The following C10orf105 variants were observed in gnomAD, a reference collection of about 807,000 sequenced individuals.
The protein encoded by C10orf105 is chromosome 10 open reading frame 105, also known as uncharacterized protein C10orf105.
A neutral mutation model predicts 0.6 loss-of-function variants in C10orf105; 2 were observed. That is an observed-to-expected ratio of 3.18 (90% CI 1.30 to 10.01). The LOEUF (loss-of-function observed/expected upper bound fraction) is 10.01. Among genes scored for constraint, C10orf105 ranks in the 30% most tolerant of loss-of-function variants. C10orf105 has a pLI of 0.04. For synonymous variants in C10orf105, 95 were observed against 82.4 expected (o/e 1.15, Z -0.83); for missense variants, 209 against 191.4 (o/e 1.09, Z -0.54).
upstream of C10orf105, among the ~76,000 whole-genome samples, chr10:71,720,092 G>A (rs1484159244): frequency 1.3e-5 from 2 of 152,188 alleles, no homozygotes; most frequent in African/African-American, 2.4e-5. Flanking sequence ...CCAGAGGTTC[G>A]CTATTCAGTG....
rs1168523573 is a variant in C10orf105, at chr10:71,714,292, G to T, written c.*1644C>A. On this transcript the variant is annotated 3_prime_UTR_variant, in exon 2 of 2. Transcript: ENST00000441508. The stretch of plus-strand genomic sequence containing the variant: ...TCCACCAAGACTCCTGCCTCAGAGG[G>T]TGGGGACACACCCAGGCTGGGCCAC... 6.6e-6 allele frequency: 1 copy of T among 152,100 alleles called. No individual in the cohort carries two copies. The highest frequency in any genetic ancestry group is 2.4e-5 in the African/African-American group (1 of 41,360). The allele number at this position is 152,100 out of a possible 1,614,324, so 9.4% of individuals were successfully genotyped here.
rs566566180 is a variant in C10orf105, at chr10:71,734,372, G to A, written c.-6+3356C>T. 6.3e-6 allele frequency: 10 copies of A among 1,579,734 alleles called. No homozygotes were observed. The South Asian group carries it at 1.0e-4, about 16-fold the overall frequency. ...TGGGACCAGGGTGAGAGTCCCTCAG[G>A]TGCGGCCCATCGCTGGCCATGACAC... On this transcript the variant is annotated intron_variant, in intron 1 of 1. Coordinates refer to the C10orf105 transcript ENST00000398786.
At chr10:71,729,667 A>T (rs1839290048) in intron 1 of C10orf105, among the ~76,000 whole-genome samples, 1 of 152,182 alleles carries the variant, frequency 6.6e-6, no homozygotes, top group South Asian at 2.1e-4. Context: ...CTGAGCACTG[A>T]CATTCTCTAC....
exon 1 of C10orf105, chr10:71,737,758 G>A (rs1048960911): frequency 6.8e-5 from 32 of 469,772 alleles, no homozygotes; most frequent in East Asian, 2.8e-4. Flanking sequence ...GCCTGTGGCC[G>A]TCCGTGGACT....
intron 1 of C10orf105, among the ~76,000 whole-genome samples, chr10:71,732,981 TC>T (rs1321612790): frequency 6.6e-6 from 1 of 152,170 alleles, no homozygotes; most frequent in East Asian, 1.9e-4. Context: ...TAGTGTCAGA[TC>T]CCACAGGTTG....
chr10:71,722,106 A>G (rs1167261545), upstream of C10orf105, among the ~76,000 whole-genome samples: 6 of 152,172 alleles, frequency 3.9e-5, no homozygotes, highest in Non-Finnish European at 8.8e-5. Context: ...GAAAGCCTAC[A>G]TTAGGGCTTC....
intron 1 of C10orf105, among the ~76,000 whole-genome samples, chr10:71,729,840 ATT>A (rs111460455): frequency 6.8e-6 from 1 of 147,066 alleles, no homozygotes; most frequent in African/African-American, 2.5e-5. Flanking sequence ...ATTATTATTA[ATT>A]TTTTTTTTTT....
chr10:71,720,069 TGGTCGGC>T (rs939253606), upstream of C10orf105, among the ~76,000 whole-genome samples: 5 of 152,210 alleles, frequency 3.3e-5, no homozygotes, highest in African/African-American at 7.2e-5. Flanking sequence ...TTGAATGGTA[TGGTCGGC>T]GGCAGCCAGA....
Position 71,712,748 on chromosome 10 carries a change from T to G in C10orf105, c.*3188A>C. 6.2e-7 allele frequency: 1 copy of G among 1,613,672 alleles called. No individual in the cohort carries two copies. The highest frequency in any genetic ancestry group is 8.5e-7 in the Non-Finnish European group (1 of 1,179,834). ...GGATGTGAATGACAACCGGCCCATC[T>G]TTCTGCAGAGCAGCTATGAGGCCAG... On this transcript the variant is annotated 3_prime_UTR_variant, in exon 2 of 2. Coordinates refer to ENST00000441508, the MANE Select transcript of C10orf105 (RefSeq NM_001164375.3).
intron 1 of C10orf105, among the ~76,000 whole-genome samples, chr10:71,727,283 C>T (rs1210812051): frequency 6.6e-6 from 1 of 152,186 alleles, no homozygotes; most frequent in Non-Finnish European, 1.5e-5. Flanking sequence ...TGAGCCTGTC[C>T]CCTTAACCAC....
At chr10:71,719,841 G>C (rs987231009), upstream of C10orf105, 12 of 152,606 alleles carry the variant, frequency 7.9e-5, no homozygotes, top group African/African-American at 2.9e-4. Context: ...CCCTGCCTTG[G>C]GGGAGGGGAT....
chr10:71,728,934 G>A (rs1181465371), intron 1 of C10orf105, among the ~76,000 whole-genome samples: 3 of 151,940 alleles, frequency 2.0e-5, no homozygotes, highest in African/African-American at 4.8e-5. Flanking sequence ...GGGCTCAAGC[G>A]ATCCTCTTGC....
intron 1 of C10orf105, among the ~76,000 whole-genome samples, chr10:71,726,884 T>C (rs985954539): frequency 2.6e-5 from 4 of 152,222 alleles, no homozygotes; most frequent in Non-Finnish European, 5.9e-5. Flanking sequence ...TGCCTCAGCA[T>C]TGTGGCTGCA....
chr10:71,716,132 C>A lies in C10orf105; in HGVS notation c.206G>T (p.Arg69Leu). The A allele has an allele frequency of 1.3e-6, 2 of 1,549,756 alleles. No individual in the cohort carries two copies. Among genetic ancestry groups the A allele is most frequent in the South Asian group, 1.2e-5 (1 of 83,874 alleles). The change falls in exon 2 of 2, where the codon CGC becomes CTC. Residue 69 changes from arginine (R) to leucine (L), a missense_variant. Arg to Leu is a moderately radical substitution (Grantham distance 102). Transcript: ENST00000441508. ...GTGGGGCATGCACTCGTGAGCCCTGCGGCGGCTCGGGTCCAGCGCGGCCGG... is the reference window on the plus strand; with the variant it reads ...GTGGGGCATGCACTCGTGAGCCCTGAGGCGGCTCGGGTCCAGCGCGGCCGG... ...CKPAALDPSR[R>L]RAHECMPHHP...
intron 1 of C10orf105, chr10:71,725,605 T>C (rs1866776835): frequency 6.9e-7 from 1 of 1,458,966 alleles, no homozygotes; most frequent in Non-Finnish European, 9.2e-7. Flanking sequence ...AGTTGGCGCC[T>C]GGTGTGGGCA....
chr10:71,713,033 G>C lies in C10orf105; in HGVS notation c.*2903C>G. 1.4e-6 allele frequency: 1 copy of C among 733,704 alleles called. No homozygotes were observed. Among genetic ancestry groups the C allele is most frequent in the South Asian group, 1.5e-5 (1 of 68,310 alleles). The allele number at this position is 733,704 out of a possible 1,614,324, so 45.4% of individuals were successfully genotyped here. ...GTTGCAGAGCTGAGGATAGGGCTCT[G>C]GCTCCCCACAAACAGGAGGAAGACT... On this transcript the variant is annotated 3_prime_UTR_variant, in exon 2 of 2. Transcript: ENST00000441508.
At chr10:71,734,444 G>A in intron 1 of C10orf105, 1 of 1,475,848 alleles carries the variant, frequency 6.8e-7, no homozygotes, top group Non-Finnish European at 9.2e-7. Context: ...GGGCCAGGCA[G>A]CGGGCGAGGG....
intron 1 of C10orf105, among the ~76,000 whole-genome samples, chr10:71,726,554 C>A (rs1368457465): frequency 6.6e-6 from 1 of 152,198 alleles, no homozygotes; most frequent in East Asian, 1.9e-4. Flanking sequence ...CTGAGTGAGA[C>A]CTGCCCTGTG....
upstream of C10orf105, chr10:71,724,128 G>A (rs1238296415): frequency 6.4e-7 from 1 of 1,552,608 alleles, no homozygotes; most frequent in Non-Finnish European, 8.7e-7. Context: ...GCCCTAGGAT[G>A]GGGGGCGGTC....
Sources: gnomAD v4.1 joint callset for allele counts (sites outside exome capture counted in the v4.1 genomes callset) on GRCh38, gnomAD v4.1.1 for gene constraint, MANE v1.5 for transcripts, NCBI Gene and HGNC (gene_info 2026-07-23, HGNC 2026-07-21) for gene names.